The following KCNH8 variants were observed in gnomAD, a reference collection of about 807,000 sequenced individuals.
KCNH8 encodes the protein voltage-gated delayed rectifier potassium channel KCNH8.
In KCNH8, 70 loss-of-function variants were observed where a neutral mutation model predicts 103.6. That is an observed-to-expected ratio of 0.68 (90% CI 0.56 to 0.82). The LOEUF (loss-of-function observed/expected upper bound fraction) is 0.82, where lower values mean the gene tolerates loss of function less well. KCNH8 is among the 40% of genes least tolerant of loss of function. The pLI, the probability that KCNH8 is intolerant of heterozygous loss-of-function variation, is 0.00. For missense variants in KCNH8, 1,217 were observed against 1,329.9 expected (o/e 0.92, Z 1.32); for synonymous variants, 498 against 489.4 (o/e 1.02, Z -0.23).
At chr3:19,215,452 A>G (rs1438156825) in intron 1 of KCNH8, among the ~76,000 whole-genome samples, 2 of 152,176 alleles carry the variant, frequency 1.3e-5, no homozygotes, top group African/African-American at 2.4e-5. Flanking sequence ...GGCCAACACT[A>G]TGTGAGAACA....
intron 1 of KCNH8, among the ~76,000 whole-genome samples, chr3:19,217,604 TC>T (rs1289290372): frequency 1.3e-5 from 2 of 152,208 alleles, no homozygotes; most frequent in Admixed American, 1.3e-4. Flanking sequence ...CTATTATTAT[TC>T]CTGTGTTACA....
rs1456424802 is a variant in KCNH8, at chr3:19,534,428, T to C, written c.*329T>C. 1 of 295,564 alleles carries C rather than the reference T, an allele frequency of 3.4e-6. No homozygotes were observed. Among genetic ancestry groups the C allele is most frequent in the Non-Finnish European group, 6.3e-6 (1 of 159,962 alleles). The allele number at this position is 295,564 out of a possible 1,614,324, so 18.3% of individuals were successfully genotyped here. ...GTGGATGACTTTTGTCCCATGTGGCTTTTGTGAAGTATGGCAAAGGTTTTT... is the reference window on the plus strand; with the variant it reads ...GTGGATGACTTTTGTCCCATGTGGCCTTTGTGAAGTATGGCAAAGGTTTTT... On this transcript the variant is annotated 3_prime_UTR_variant, in exon 16 of 16. Coordinates refer to ENST00000328405, the MANE Select transcript of KCNH8 (RefSeq NM_144633.3).
chr3:19,409,112 G>A (rs1017037791), intron 7 of KCNH8, among the ~76,000 whole-genome samples: 2 of 151,978 alleles, frequency 1.3e-5, no homozygotes, highest in Non-Finnish European at 2.9e-5. Context: ...CTTAAAGGCA[G>A]CTAGAGGAAA....
chr3:19,301,845 C>T (rs916549284), intron 3 of KCNH8, among the ~76,000 whole-genome samples: 12 of 152,266 alleles, frequency 7.9e-5, no homozygotes, highest in African/African-American at 1.4e-4. Flanking sequence ...TATAGCTACT[C>T]GGAGAACTCA....
At chr3:19,497,972 A>G (rs1189769566) in intron 11 of KCNH8, among the ~76,000 whole-genome samples, 1 of 152,120 alleles carries the variant, frequency 6.6e-6, no homozygotes, top group Admixed American at 6.6e-5. Flanking sequence ...TGTTGAATTA[A>G]ACTCTTTACC....
At chr3:19,233,957 G>A (rs1335057367) in intron 1 of KCNH8, among the ~76,000 whole-genome samples, 1 of 152,150 alleles carries the variant, frequency 6.6e-6, no homozygotes, top group African/African-American at 2.4e-5. Context: ...AGGCAGTGTG[G>A]AGCCAAAGAG....
At position 19,367,556 on chromosome 3, in the gene KCNH8, G is replaced by A. The variant is rs867547923; in HGVS notation, c.811+19591G>A. On this transcript the variant is annotated intron_variant, in intron 5 of 15. Coordinates refer to ENST00000328405, the MANE Select transcript of KCNH8 (RefSeq NM_144633.3). ...TTTTCAAATTCCACCAACAAATATA[G>A]TATTTAATAACATATTTAATATTTG... Among the ~76,000 whole-genome samples the A allele has an allele frequency of 4.0e-5, 6 of 150,696 alleles. No homozygotes were observed. The South Asian group carries it at 8.3e-4, about 21-fold the overall frequency.
intron 5 of KCNH8, among the ~76,000 whole-genome samples, chr3:19,365,181 T>A (rs2065994838): frequency 6.6e-6 from 1 of 152,080 alleles, no homozygotes; most frequent in Non-Finnish European, 1.5e-5. Context: ...TTTTAAGGTA[T>A]TTTCTTGTGA....
intron 7 of KCNH8, among the ~76,000 whole-genome samples, chr3:19,409,460 G>A (rs920231311): frequency 3.3e-5 from 5 of 152,024 alleles, no homozygotes; most frequent in African/African-American, 1.2e-4. Flanking sequence ...AAATACAATA[G>A]AAATTACACA....
Position 19,357,139 on chromosome 3 carries a change from A to G in KCNH8, c.811+9174A>G, listed in dbSNP as rs545083286. On this transcript the variant is annotated intron_variant, in intron 5 of 15. Coordinates refer to ENST00000328405, the MANE Select transcript of KCNH8 (RefSeq NM_144633.3). ...TGAAGATCAGTATGTGACCAAGTCT[A>G]TCCAACAGGATATAAAGAGATTGTT... Among the ~76,000 whole-genome samples, 11 of 152,046 alleles carry G rather than the reference A, an allele frequency of 7.2e-5. No homozygotes were observed. The East Asian group carries it at 1.7e-3, about 24-fold the overall frequency.
chr3:19,497,232 G>C (rs1041051471), intron 11 of KCNH8, among the ~76,000 whole-genome samples: 10 of 152,016 alleles, frequency 6.6e-5, no homozygotes, highest in South Asian at 6.2e-4. Flanking sequence ...GATTTTTCAT[G>C]TCTTAATATC....
rs377405709 is a variant in KCNH8 at position 19,471,098 on chromosome 3, T to C, written c.2040+14116T>C. Among the ~76,000 whole-genome samples the C allele has an allele frequency of 5.3e-5, 8 of 152,122 alleles. No homozygotes were observed. In the East Asian group the frequency reaches 1.4e-3, roughly 26 times the overall value. ...TTGTTTATGGGGAAGGGGAGTTTAG[T>C]TGGGCTGGGAAAGGGAGAGAAAGAA... On this transcript the variant is annotated intron_variant, in intron 11 of 15. Coordinates refer to ENST00000328405, the MANE Select transcript of KCNH8 (RefSeq NM_144633.3).
intron 3 of KCNH8, among the ~76,000 whole-genome samples, chr3:19,330,031 A>C (rs554911058): frequency 6.6e-6 from 1 of 151,970 alleles, no homozygotes; most frequent in Non-Finnish European, 1.5e-5. Flanking sequence ...AAAAGGATTG[A>C]ATTCTTTAGC....
intron 1 of KCNH8, among the ~76,000 whole-genome samples, chr3:19,200,601 T>TA (rs965728568): frequency 9.2e-5 from 14 of 151,970 alleles, no homozygotes; most frequent in Non-Finnish European, 1.6e-4. Flanking sequence ...TACCTATTTT[T>TA]AAAAAAACTT....
intron 1 of KCNH8, among the ~76,000 whole-genome samples, chr3:19,211,401 T>C (rs2063769995): frequency 6.6e-6 from 1 of 152,038 alleles, no homozygotes; most frequent in African/African-American, 2.4e-5. Context: ...GAGGAAGCAT[T>C]GAAAGATGTG....
At chr3:19,183,593 T>C (rs1430517278) in intron 1 of KCNH8, among the ~76,000 whole-genome samples, 1 of 152,136 alleles carries the variant, frequency 6.6e-6, no homozygotes, top group Non-Finnish European at 1.5e-5. Flanking sequence ...TGACTAACTA[T>C]AAAGAAAAGA....
intron 3 of KCNH8, among the ~76,000 whole-genome samples, chr3:19,308,663 TC>T (rs2065162445): frequency 1.2e-4 from 2 of 17,264 alleles, no homozygotes; most frequent in African/African-American, 5.9e-4. Context: ...TCTCTCTCTC[TC>T]TCTCTCTCTC....
intron 3 of KCNH8, among the ~76,000 whole-genome samples, chr3:19,297,495 G>A (rs1318743958): frequency 1.3e-5 from 2 of 152,076 alleles, no homozygotes; most frequent in Non-Finnish European, 2.9e-5. Flanking sequence ...TGAATAGATA[G>A]TTCAGCTTTT....
At chr3:19,465,601 A>C (rs2067718782) in intron 11 of KCNH8, among the ~76,000 whole-genome samples, 1 of 151,904 alleles carries the variant, frequency 6.6e-6, no homozygotes, top group South Asian at 2.1e-4. Flanking sequence ...TATTTTGTAA[A>C]GCTATAGCTG....
Sources: gnomAD v4.1 joint callset for allele counts (sites outside exome capture counted in the v4.1 genomes callset) on GRCh38, gnomAD v4.1.1 for gene constraint, MANE v1.5 for transcripts, NCBI Gene and HGNC (gene_info 2026-07-23, HGNC 2026-07-21) for gene names.